Variants in AUTS2 observed in about 807,000 individuals in gnomAD.
AUTS2 encodes activator of transcription and developmental regulator AUTS2, also known as autism susceptibility gene 2 protein.
In AUTS2, 17 loss-of-function variants were observed where a neutral mutation model predicts 112.4. The ratio of observed to expected loss-of-function variants is 0.15; its 90% confidence interval spans 0.10 to 0.23. The LOEUF (loss-of-function observed/expected upper bound fraction) is 0.23. Among genes scored for constraint, AUTS2 ranks in the 10% least tolerant of loss-of-function variants. The probability of loss-of-function intolerance (pLI) is 1.00; values close to 1 mark genes in which losing one functional copy is unlikely to be tolerated. For synonymous variants in AUTS2, 751 were observed against 702.7 expected (o/e 1.07, Z -1.09); for missense variants, 1,510 against 1,701.6 (o/e 0.89, Z 1.98).
chr7:70,118,176 T>C lies in AUTS2; in HGVS notation c.567T>C (p.Ser189=), dbSNP rs1372788075. The C allele has an allele frequency of 1.2e-6, 2 of 1,606,694 alleles. No homozygotes were observed. Among genetic ancestry groups the C allele is most frequent in the South Asian group, 1.1e-5 (1 of 90,686 alleles). ...GCTGCAGGGACAGTGACAGTGAAAG[T>C]GCCAGTGGAGAATCCAAGGGCTTCC... ...QNSCRDSDSE[S]ASGESKGFHR... is the part of the protein sequence containing the mutation. Residue 189 remains serine (S), a synonymous_variant, in exon 3 of 19, where the codon AGT becomes AGC. Transcript: ENST00000342771.
intron 6 of AUTS2, among the ~76,000 whole-genome samples, chr7:70,726,246 T>A (rs953589290): frequency 7.9e-5 from 12 of 152,130 alleles, no homozygotes; most frequent in African/African-American, 2.9e-4. Flanking sequence ...ACAATGGATG[T>A]GTTTATTAGA....
Position 70,490,831 on chromosome 7 carries a change from T to C in AUTS2, c.690+55050T>C, listed in dbSNP as rs143686306. Among the ~76,000 whole-genome samples, 9 of 152,350 alleles carry C rather than the reference T, an allele frequency of 5.9e-5. No homozygotes were observed. In the East Asian group the frequency reaches 1.4e-3, roughly 23 times the overall value. ...CTGATGCCATCCTGAGGCCATGATATCATCCTTTCCACAGTTTATATGCTT... is the reference window on the plus strand; with the variant it reads ...CTGATGCCATCCTGAGGCCATGATACCATCCTTTCCACAGTTTATATGCTT... On this transcript the variant is annotated intron_variant, in intron 5 of 18. Transcript: ENST00000342771.
chr7:69,990,236 G>A (rs1414772344), intron 2 of AUTS2, among the ~76,000 whole-genome samples: 1 of 152,164 alleles, frequency 6.6e-6, no homozygotes, highest in African/African-American at 2.4e-5. Flanking sequence ...GTAAAAAGGA[G>A]TTTAGATACA....
At chr7:69,908,256 C>T (rs529217440) in intron 2 of AUTS2, among the ~76,000 whole-genome samples, 117 of 152,270 alleles carry the variant, frequency 7.7e-4, no homozygotes, top group Non-Finnish European at 7.8e-4. Context: ...TCCCATTAGA[C>T]CTGCTTTGCC....
intron 4 of AUTS2, among the ~76,000 whole-genome samples, chr7:70,155,454 G>T (rs145914018): frequency 1.3e-5 from 2 of 150,860 alleles, no homozygotes; most frequent in Non-Finnish European, 2.9e-5. Context: ...TCCTTGAAGG[G>T]CCCTTGACTT....
chr7:70,376,495 A>T (rs1052118230), intron 4 of AUTS2, among the ~76,000 whole-genome samples: 1 of 151,950 alleles, frequency 6.6e-6, no homozygotes, highest in East Asian at 1.9e-4. Context: ...CATGCCTTAG[A>T]GAAACATGGG....
chr7:70,507,498 T>TA (rs1799011869), intron 5 of AUTS2, among the ~76,000 whole-genome samples: 1 of 151,790 alleles, frequency 6.6e-6, no homozygotes, highest in Non-Finnish European at 1.5e-5. Flanking sequence ...CCCTGAACAT[T>TA]AAAAAAAAGT....
chr7:70,651,190 T>G (rs1436402098), intron 5 of AUTS2, among the ~76,000 whole-genome samples: 1 of 152,234 alleles, frequency 6.6e-6, no homozygotes, highest in Non-Finnish European at 1.5e-5. Flanking sequence ...TTATTTCCGC[T>G]ATATAGATAA....
intron 2 of AUTS2, among the ~76,000 whole-genome samples, chr7:70,061,128 C>G (rs559534218): frequency 1.3e-5 from 2 of 152,176 alleles, no homozygotes; most frequent in African/African-American, 4.8e-5. Flanking sequence ...ACTAGGTGAC[C>G]TCTCAAGGGT....
Position 70,536,088 on chromosome 7 carries a change from G to T in AUTS2, c.690+100307G>T, listed in dbSNP as rs568808223. 2.0e-5 allele frequency among the ~76,000 whole-genome samples: 3 copies of T among 152,276 alleles called. No individual in the cohort carries two copies. In the East Asian group the frequency reaches 5.8e-4, roughly 29 times the overall value. On this transcript the variant is annotated intron_variant, in intron 5 of 18. Transcript: ENST00000342771. ...CACCCCTGTAATACCAGCAATTTGG[G>T]AGGCCAAGGTGGGTGGATCACTTGA...
intron 5 of AUTS2, among the ~76,000 whole-genome samples, chr7:70,503,550 T>A: frequency 7.0e-6 from 1 of 142,982 alleles, no homozygotes. Flanking sequence ...ATAGATTCTC[T>A]CTCTGTTGTC....
At chr7:69,899,227 G>C (rs1291398272) in intron 1 of AUTS2, 59 bp from the exon 2 acceptor site, 2 of 1,307,646 alleles carry the variant, frequency 1.5e-6, no homozygotes, top group Non-Finnish European at 2.2e-6. Flanking sequence ...TATATTTTGG[G>C]TGTGACCCTA....
intron 1 of AUTS2, among the ~76,000 whole-genome samples, chr7:69,722,027 A>G (rs960360669): frequency 5.3e-5 from 5 of 93,996 alleles, no homozygotes; most frequent in Non-Finnish European, 1.3e-4. Context: ...AGCAATATCC[A>G]AAAGAGAGTG....
intron 4 of AUTS2, among the ~76,000 whole-genome samples, chr7:70,339,801 T>G (rs1189676383): frequency 6.6e-6 from 1 of 152,114 alleles, no homozygotes; most frequent in African/African-American, 2.4e-5. Flanking sequence ...ATAAAGTAAG[T>G]ATTAGACTTT....
rs1377988175 is a variant in AUTS2, at chr7:70,401,408, T to C, written c.661-34344T>C. Among the ~76,000 whole-genome samples the C allele has an allele frequency of 2.0e-5, 3 of 152,142 alleles. No individual in the cohort carries two copies. The East Asian group carries it at 5.8e-4, about 29-fold the overall frequency. On this transcript the variant is annotated intron_variant, in intron 4 of 18. Transcript: ENST00000342771. Reference sequence around the variant, plus strand: ...GCCACTTGTTAGGCATCTTTGAGCCTGTGAGAATAGTGGTGTGGTGAGATT... The same window carrying C: ...GCCACTTGTTAGGCATCTTTGAGCCCGTGAGAATAGTGGTGTGGTGAGATT...
chr7:70,630,963 T>C (rs1247622726), intron 5 of AUTS2, among the ~76,000 whole-genome samples: 2 of 152,188 alleles, frequency 1.3e-5, no homozygotes, highest in Non-Finnish European at 2.9e-5. Context: ...TCCTGAGACT[T>C]TAAAGGAAAA....
At chr7:69,964,716 C>T (rs757343882) in intron 2 of AUTS2, among the ~76,000 whole-genome samples, 3 of 151,868 alleles carry the variant, frequency 2.0e-5, no homozygotes, top group Non-Finnish European at 4.4e-5. Flanking sequence ...GGGGAACGAT[C>T]ACAAGGAAAT....
chr7:70,600,261 GTTTTT>G (rs1295639861), intron 5 of AUTS2, among the ~76,000 whole-genome samples: 1 of 151,960 alleles, frequency 6.6e-6, no homozygotes, highest in Non-Finnish European at 1.5e-5. Context: ...GGGTTTTTAG[GTTTTT>G]TGTTTTGTTT....
At chr7:70,599,805 TGGTG>T (rs1038386592) in intron 5 of AUTS2, among the ~76,000 whole-genome samples, 4 of 152,192 alleles carry the variant, frequency 2.6e-5, no homozygotes, top group African/African-American at 9.7e-5. Context: ...AAGTTGTCTG[TGGTG>T]GGCAGGGATG....
Sources: allele counts gnomAD v4.1 joint callset (sites outside exome capture counted in the v4.1 genomes callset), GRCh38; gene constraint gnomAD v4.1.1; transcripts MANE v1.5; gene names NCBI Gene and HGNC (gene_info 2026-07-23, HGNC 2026-07-21).